Variants in ARHGAP20 observed in about 807,000 individuals in gnomAD.
ARHGAP20 encodes the protein Rho GTPase activating protein 20.
ARHGAP20 carries 34 observed loss-of-function variants against 73.7 expected under a neutral mutation model. The ratio of observed to expected loss-of-function variants is 0.46; its 90% CI spans 0.35 to 0.61. ARHGAP20 has a LOEUF of 0.61. ARHGAP20 is among the 20% of genes least tolerant of loss of function. The pLI is 0.00. For synonymous variants in ARHGAP20, 523 were observed against 518.2 expected (o/e 1.01, Z -0.13); for missense variants, 1,314 against 1,420.9 (o/e 0.92, Z 1.21).
At chr11:110,645,234 T>C (rs754058420) in intron 2 of ARHGAP20, among the ~76,000 whole-genome samples, 16 of 152,040 alleles carry the variant, frequency 1.1e-4, no homozygotes, top group Admixed American at 3.3e-4. Context: ...GATCTTCAAC[T>C]CCTGCATCAA....
rs535451708 is a variant in ARHGAP20 at position 110,693,291 on chromosome 11, G to A, written c.106-2662C>T. Among the ~76,000 whole-genome samples the A allele has an allele frequency of 2.6e-4, 39 of 151,796 alleles. 1 individual carries two copies. The highest frequency in any genetic ancestry group is 8.0e-4 in the African/African-American group (33 of 41,464). ...GTTTTTATTTCAGGTTCCATTGTTC[G>A]TACTCAGACTTACTCTATCATTAAT... On this transcript the variant is annotated intron_variant, in intron 1 of 14. Coordinates refer to ENST00000683387, the MANE Select transcript of ARHGAP20 (RefSeq NM_001384657.1).
intron 9 of ARHGAP20, among the ~76,000 whole-genome samples, chr11:110,603,428 T>A (rs747817086): frequency 9.9e-5 from 15 of 152,200 alleles, no homozygotes; most frequent in Admixed American, 2.0e-4. Context: ...AAACAGTGCT[T>A]ACATACAAAG....
At chr11:110,596,565 G>T (rs1191061187) in intron 9 of ARHGAP20, among the ~76,000 whole-genome samples, 4 of 152,164 alleles carry the variant, frequency 2.6e-5, no homozygotes, top group African/African-American at 9.7e-5. Flanking sequence ...GCCCATCAGA[G>T]AAATGCAAAT....
At chr11:110,583,270 C>T (rs1947522912) in intron 13 of ARHGAP20, among the ~76,000 whole-genome samples, 1 of 152,084 alleles carries the variant, frequency 6.6e-6, no homozygotes, top group Non-Finnish European at 1.5e-5. Flanking sequence ...GTTCCAAAGT[C>T]CTTTTTTTCT....
At chr11:110,652,614 CATGA>C (rs1949380425) in intron 2 of ARHGAP20, among the ~76,000 whole-genome samples, 1 of 152,054 alleles carries the variant, frequency 6.6e-6, no homozygotes. Context: ...AGAGCCAAAT[CATGA>C]ATGAACTTCC....
intron 2 of ARHGAP20, among the ~76,000 whole-genome samples, chr11:110,656,220 T>C (rs1295664942): frequency 2.6e-5 from 4 of 152,074 alleles, no homozygotes; most frequent in East Asian, 1.9e-4. Context: ...TACTGCTTGT[T>C]ACTCAGCATT....
At chr11:110,624,117 A>C in intron 4 of ARHGAP20, 45 bp downstream of exon 4, 2 of 1,576,788 alleles carry the variant, frequency 1.3e-6, no homozygotes, top group East Asian at 4.5e-5. Flanking sequence ...AGAAATTATC[A>C]TAGTAGCTAA....
chr11:110,625,877 G>A (rs1191661255), intron 3 of ARHGAP20, among the ~76,000 whole-genome samples: 4 of 152,134 alleles, frequency 2.6e-5, no homozygotes, highest in African/African-American at 7.2e-5. Flanking sequence ...TACCTTATAT[G>A]GAAGTATCCC....
intron 2 of ARHGAP20, among the ~76,000 whole-genome samples, chr11:110,683,418 A>G (rs923215436): frequency 6.6e-6 from 1 of 152,200 alleles, no homozygotes; most frequent in East Asian, 1.9e-4. Flanking sequence ...TGTCTTATAC[A>G]TTAAGGGAAG....
At chr11:110,594,577 T>A (rs1257837554) in intron 9 of ARHGAP20, among the ~76,000 whole-genome samples, 1 of 152,110 alleles carries the variant, frequency 6.6e-6, no homozygotes, top group African/African-American at 2.4e-5. Context: ...AATACTCCAC[T>A]TAAGTAAAGC....
At chr11:110,613,189 T>C (rs866473118) in intron 6 of ARHGAP20, among the ~76,000 whole-genome samples, 12 of 152,206 alleles carry the variant, frequency 7.9e-5, no homozygotes, top group Non-Finnish European at 1.8e-4. Context: ...AACAAATGAA[T>C]TTCAGCAGAT....
chr11:110,674,953 G>T (rs1949902433), intron 2 of ARHGAP20, among the ~76,000 whole-genome samples: 1 of 152,104 alleles, frequency 6.6e-6, no homozygotes, highest in Non-Finnish European at 1.5e-5. Context: ...AAGTTCTGGG[G>T]TACATGTACA....
At position 110,699,392 on chromosome 11, in the gene ARHGAP20, A is replaced by G. The variant is rs553082544; in HGVS notation, c.106-8763T>C. 2.6e-5 allele frequency among the ~76,000 whole-genome samples: 4 copies of G among 152,022 alleles called. No individual in the cohort carries two copies. The South Asian group carries it at 8.3e-4, about 32-fold the overall frequency. Reference sequence around the variant, plus strand: ...AATGTATATTCTGTGGTCGGCTAGAATGTTCTGTAAATGTTTGTTAGGTCC... The same window carrying G: ...AATGTATATTCTGTGGTCGGCTAGAGTGTTCTGTAAATGTTTGTTAGGTCC... On this transcript the variant is annotated intron_variant, in intron 1 of 14. Coordinates refer to ENST00000683387, the MANE Select transcript of ARHGAP20 (RefSeq NM_001384657.1).
In ARHGAP20 at chr11:110,600,700, A is replaced by G. The variant is rs568157325; in HGVS notation, c.964+5861T>C. ...CCCCAAGGTGTTGTAACAGTAACAT[A>G]TAACAGTAACAGTAACCTGTAACAG... is the stretch of plus-strand genomic sequence containing the variant. On this transcript the variant is annotated intron_variant, in intron 9 of 14. Transcript: ENST00000683387. Among the ~76,000 whole-genome samples the G allele has an allele frequency of 2.0e-5, 3 of 152,350 alleles. No homozygotes were observed. In the East Asian group the frequency reaches 5.8e-4, roughly 29 times the overall value.
chr11:110,704,107 C>T (rs1950511224), intron 1 of ARHGAP20, among the ~76,000 whole-genome samples: 2 of 152,128 alleles, frequency 1.3e-5, no homozygotes, highest in South Asian at 2.1e-4. Flanking sequence ...AAAAATCAGA[C>T]AGCCATATCA....
intron 12 of ARHGAP20, among the ~76,000 whole-genome samples, chr11:110,585,325 A>G (rs781745629): frequency 3.9e-5 from 6 of 152,152 alleles, no homozygotes; most frequent in Non-Finnish European, 8.8e-5. Flanking sequence ...ATATATAGCA[A>G]CACAGTTTAG....
chr11:110,606,817 T>C, intron 8 of ARHGAP20, 68 bp from the exon 9 acceptor site: 1 of 1,346,994 alleles, frequency 7.4e-7, no homozygotes, highest in South Asian at 1.7e-5. Flanking sequence ...TACTGCAAAA[T>C]AGGAATGTAC....
intron 2 of ARHGAP20, among the ~76,000 whole-genome samples, chr11:110,656,241 T>C (rs1472620714): frequency 6.6e-6 from 1 of 152,098 alleles, no homozygotes; most frequent in Non-Finnish European, 1.5e-5. Context: ...AGGCTTTTGG[T>C]GGGAGCACGT....
rs772413783 is a variant in ARHGAP20, at chr11:110,590,615, C to T, written c.1305+33G>A. The T allele has an allele frequency of 3.4e-5, 55 of 1,594,710 alleles. 1 individual carries two copies. The highest frequency in any genetic ancestry group is 3.4e-4 in the South Asian group (30 of 87,464). On this transcript the variant is annotated intron_variant, in intron 11 of 14. Coordinates refer to ENST00000683387, the MANE Select transcript of ARHGAP20 (RefSeq NM_001384657.1). ...AACACCCTCTTTCTCTAGAGCTACA[C>T]CATGGGGTGGATAAAGGGATGACTC...
Sources: allele counts gnomAD v4.1 joint callset (sites outside exome capture counted in the v4.1 genomes callset), GRCh38; gene constraint gnomAD v4.1.1; transcripts MANE v1.5; gene names NCBI Gene and HGNC (gene_info 2026-07-23, HGNC 2026-07-21).